Variants in EPS15L1 observed in about 807,000 individuals in gnomAD.
EPS15L1 encodes epidermal growth factor receptor substrate 15-like 1.
EPS15L1 carries 43 observed loss-of-function variants against 117.1 expected under a neutral mutation model. The observed-to-expected ratio is 0.37, with a 90% CI of 0.29 to 0.47. The LOEUF is 0.47. EPS15L1 is among the 20% of genes least tolerant of loss of function. The pLI is 0.99. For missense variants in EPS15L1, 981 were observed against 1,164.0 expected, an observed-to-expected ratio of 0.84 and a Z score of 2.29; for synonymous variants, 459 against 470.5, an observed-to-expected ratio of 0.98 and a Z score of 0.32.
chr19:16,378,950 C>T (rs2092329406), intron 21 of EPS15L1, among the ~76,000 whole-genome samples: 1 of 152,112 alleles, frequency 6.6e-6, no homozygotes, highest in African/African-American at 2.4e-5. Flanking sequence ...AATTATAGGA[C>T]AAAGAGATAA....
chr19:16,431,215 G>A (rs1056347093), intron 7 of EPS15L1, among the ~76,000 whole-genome samples: 3 of 150,432 alleles, frequency 2.0e-5, no homozygotes, highest in Non-Finnish European at 4.4e-5. Context: ...CTCCAGCCTC[G>A]GTGACAGCGA....
intron 4 of EPS15L1, chr19:16,440,543 C>T (rs1430622072): frequency 3.2e-5 from 6 of 186,742 alleles, no homozygotes; most frequent in African/African-American, 1.4e-4. Flanking sequence ...AGGAACCCTC[C>T]AAGCTATTTG....
chr19:16,404,120 C>G lies in EPS15L1; in HGVS notation c.1429-190G>C, dbSNP rs575328877. ...CAAAATAGAGACACAAATGAAAAGG[C>G]AGATGGGCTCATCCCACTGTGGCTA... On this transcript the variant is annotated intron_variant, in intron 14 of 23. Coordinates refer to ENST00000455140, the MANE Select transcript of EPS15L1 (RefSeq NM_001258374.3). This position sits in a 1 kb window ranked among gnomAD's most constrained non-coding sequence, Gnocchi z 4.2. Among the ~76,000 whole-genome samples the G allele has an allele frequency of 6.6e-6, 1 of 152,254 alleles. No individual in the cohort carries two copies. Among genetic ancestry groups the G allele is most frequent in the African/African-American group, 2.4e-5 (1 of 41,556 alleles).
chr19:16,394,901 G>T (rs2144788321), intron 17 of EPS15L1, among the ~76,000 whole-genome samples: 1 of 152,162 alleles, frequency 6.6e-6, no homozygotes, highest in African/African-American at 2.4e-5. Flanking sequence ...TGGCTCTCTG[G>T]TTAACAGGGT....
At chr19:16,391,897 C>T (rs2092479608) in intron 19 of EPS15L1, among the ~76,000 whole-genome samples, 1 of 151,902 alleles carries the variant, frequency 6.6e-6, no homozygotes. Context: ...TTACAAGGAC[C>T]GTGCAGGGTG....
At chr19:16,421,899 C>T (rs1051148768) in intron 9 of EPS15L1, among the ~76,000 whole-genome samples, 2 of 152,152 alleles carry the variant, frequency 1.3e-5, no homozygotes, top group East Asian at 1.9e-4. Flanking sequence ...CTCCTCAGCC[C>T]GCAAAGGCTG....
At chr19:16,439,632 A>G (rs1373142339) in intron 4 of EPS15L1, among the ~76,000 whole-genome samples, 1 of 152,212 alleles carries the variant, frequency 6.6e-6, no homozygotes, top group Non-Finnish European at 1.5e-5. Flanking sequence ...TCGAGGCTGC[A>G]GTAAGCAGTG....
At chr19:16,464,506 C>T (rs1260169879) in intron 1 of EPS15L1, among the ~76,000 whole-genome samples, 2 of 152,180 alleles carry the variant, frequency 1.3e-5, no homozygotes, top group Non-Finnish European at 2.9e-5. Context: ...ACCAAAAGAC[C>T]TTCCTCCTCT....
At chr19:16,388,757 G>A (rs2092447598) in intron 19 of EPS15L1, among the ~76,000 whole-genome samples, 1 of 152,078 alleles carries the variant, frequency 6.6e-6, no homozygotes, top group South Asian at 2.1e-4. Flanking sequence ...AACCCGGGAG[G>A]CGGAGCTTGC....
At chr19:16,391,108 G>C (rs1392558370) in intron 19 of EPS15L1, among the ~76,000 whole-genome samples, 1 of 152,156 alleles carries the variant, frequency 6.6e-6, no homozygotes, top group East Asian at 1.9e-4. Context: ...TCGTAAGTCA[G>C]GGACCGCCAG....
Position 16,404,480 on chromosome 19 carries a change from C to A in EPS15L1, c.1428+108G>T, listed in dbSNP as rs1568422606. ...GGTGTTTGGAGGAACTCTATTGACC[C>A]AGTAGGATGTCTAAGTGTTGTGTTC... is the stretch of plus-strand genomic sequence containing the variant. On this transcript the variant is annotated intron_variant, in intron 14 of 23. Coordinates refer to ENST00000455140, the MANE Select transcript of EPS15L1 (RefSeq NM_001258374.3). This position sits in a 1 kb window ranked among gnomAD's most constrained non-coding sequence, Gnocchi z 4.2. 6.3e-6 allele frequency: 8 copies of A among 1,268,554 alleles called. No individual in the cohort carries two copies. In the East Asian group the frequency reaches 1.7e-4, roughly 26 times the overall value. The allele number at this position is 1,268,554 out of a possible 1,614,324, so 78.6% of individuals were successfully genotyped here.
At chr19:16,469,927 C>T (rs556193793) in intron 1 of EPS15L1, among the ~76,000 whole-genome samples, 3 of 152,192 alleles carry the variant, frequency 2.0e-5, no homozygotes, top group Non-Finnish European at 4.4e-5. Context: ...ACAGTAAGGG[C>T]CTGGGAGGGC....
At chr19:16,401,860 T>C in intron 16 of EPS15L1, 2 of 987,940 alleles carry the variant, frequency 2.0e-6, no homozygotes, top group Non-Finnish European at 1.2e-6. Flanking sequence ...TACTTCCTCA[T>C]CTTTAGCAAC....
In EPS15L1 at chr19:16,440,917, AAC is replaced by A; in HGVS notation, c.166-10_166-9del. Reference sequence around the variant, plus strand: ...ATCGGCCAAGTCCCATATCTGCGGAAACACAAAAATGCTCATAAGCATGACTG... The same window carrying A: ...ATCGGCCAAGTCCCATATCTGCGGAAACAAAAATGCTCATAAGCATGACTG... On this transcript the variant is annotated splice_polypyrimidine_tract_variant and intron_variant, in intron 3 of 23. Coordinates refer to ENST00000455140, the MANE Select transcript of EPS15L1 (RefSeq NM_001258374.3). 6.2e-7 allele frequency: 1 copy of A among 1,614,120 alleles called. No homozygotes were observed. The highest frequency in any genetic ancestry group is 8.5e-7 in the Non-Finnish European group (1 of 1,179,962).
At chr19:16,403,629 C>G in intron 15 of EPS15L1, 104 bp downstream of exon 15, 3 of 1,109,834 alleles carry the variant, frequency 2.7e-6, no homozygotes, top group Non-Finnish European at 4.0e-6. Flanking sequence ...GAGACCCTCA[C>G]GTAAGTAACA....
intron 16 of EPS15L1, among the ~76,000 whole-genome samples, chr19:16,397,735 C>T (rs989708613): frequency 3.3e-5 from 5 of 150,766 alleles, no homozygotes; most frequent in African/African-American, 4.9e-5. Flanking sequence ...TTCATTTAAA[C>T]GAGAAGAAAA....
chr19:16,355,973 T>C lies in EPS15L1; in HGVS notation c.2587-122A>G, dbSNP rs1051968873. On this transcript the variant is annotated intron_variant, in intron 23 of 23. Transcript: ENST00000455140. ...GCCCACCGCCCAGCGGAGGGTCCGA[T>C]GTGCAGGGGATAAGCATGTCTTGGC... 8.3e-6 allele frequency: 10 copies of C among 1,203,696 alleles called. No individual in the cohort carries two copies. The African/African-American group carries it at 9.1e-5, about 11-fold the overall frequency. The allele number at this position is 1,203,696 out of a possible 1,614,324, so 74.6% of individuals were successfully genotyped here.
intron 1 of EPS15L1, among the ~76,000 whole-genome samples, chr19:16,456,986 G>A (rs1435100789): frequency 6.6e-6 from 1 of 152,080 alleles, no homozygotes; most frequent in East Asian, 1.9e-4. Flanking sequence ...GGCCAGCAAG[G>A]TGGGCGCATA....
intron 21 of EPS15L1, among the ~76,000 whole-genome samples, chr19:16,377,726 T>C (rs867791053): frequency 5.9e-5 from 9 of 152,354 alleles, no homozygotes; most frequent in South Asian, 4.1e-4. Flanking sequence ...CAGTTAGTGA[T>C]GGACAGCTCC....
Sources: allele counts gnomAD v4.1 joint callset (sites outside exome capture counted in the v4.1 genomes callset), GRCh38; gene constraint gnomAD v4.1.1; non-coding constraint Gnocchi (gnomAD v3.1); transcripts MANE v1.5; gene names NCBI Gene and HGNC (gene_info 2026-07-23, HGNC 2026-07-21).